Variants in CTNNA2 observed in about 807,000 individuals in gnomAD.
The protein encoded by CTNNA2 is catenin alpha 2, also known as catenin alpha-2.
In CTNNA2, 42 loss-of-function variants were observed where a neutral mutation model predicts 101.0. The observed-to-expected ratio is 0.42, with a 90% CI of 0.32 to 0.54. The LOEUF is 0.54. Among genes scored for constraint, CTNNA2 ranks in the 20% least tolerant of loss-of-function variants. CTNNA2 has a pLI of 0.14. For missense variants in CTNNA2, 871 were observed against 1,223.1 expected (o/e 0.71, Z 4.29); for synonymous variants, 450 against 456.4 (o/e 0.99, Z 0.18).
intron 7 of CTNNA2, among the ~76,000 whole-genome samples, chr2:80,235,839 G>A (rs764169132): frequency 5.3e-5 from 8 of 152,196 alleles, no homozygotes; most frequent in East Asian, 1.9e-4. Context: ...AAGTTCAGGG[G>A]TACGTGAGGT....
At chr2:80,400,682 C>T (rs1013070429) in intron 8 of CTNNA2, among the ~76,000 whole-genome samples, 4 of 152,182 alleles carry the variant, frequency 2.6e-5, no homozygotes, top group Non-Finnish European at 2.9e-5. Flanking sequence ...GACAGTCCCA[C>T]GCAACTCCTC....
rs1443193823 is a variant in CTNNA2, at chr2:79,419,192, C to T, written c.-135+45179C>T. Among the ~76,000 whole-genome samples, 4 of 152,098 alleles carry T rather than the reference C, an allele frequency of 2.6e-5. No individual in the cohort carries two copies. The East Asian group carries it at 7.7e-4, about 29-fold the overall frequency. On this transcript the variant is annotated intron_variant, in intron 4 of 21. Transcript: ENST00000466387. ...TACTTACTAGCTTTGTGACCTTAGG[C>T]AATTTATTTTATCCATCACAGACTC...
intron 4 of CTNNA2, among the ~76,000 whole-genome samples, chr2:79,419,088 A>T (rs1221906439): frequency 6.6e-6 from 1 of 152,094 alleles, no homozygotes; most frequent in East Asian, 1.9e-4. Flanking sequence ...GCATCATGCC[A>T]TTATAGAAAC....
At chr2:80,014,736 A>C (rs1694022095) in intron 7 of CTNNA2, among the ~76,000 whole-genome samples, 1 of 152,220 alleles carries the variant, frequency 6.6e-6, no homozygotes, top group South Asian at 2.1e-4. Flanking sequence ...GTCAACAGTC[A>C]TGAAACAAAG....
chr2:80,627,505 T>A (rs1380052410), intron 18 of CTNNA2, among the ~76,000 whole-genome samples: 1 of 152,142 alleles, frequency 6.6e-6, no homozygotes, highest in Non-Finnish European at 1.5e-5. Context: ...GTTGGCTGCA[T>A]AAATGTCTTC....
chr2:80,409,796 C>T (rs1174950886), intron 8 of CTNNA2, among the ~76,000 whole-genome samples: 1 of 152,188 alleles, frequency 6.6e-6, no homozygotes, highest in East Asian at 1.9e-4. Context: ...TTTGGCATAA[C>T]ACTTAAAAAT....
intron 3 of CTNNA2, among the ~76,000 whole-genome samples, chr2:79,799,898 G>A (rs1676024327): frequency 6.6e-6 from 1 of 152,194 alleles, no homozygotes; most frequent in Non-Finnish European, 1.5e-5. Flanking sequence ...TACTTACTCT[G>A]TAGATTGGCA....
chr2:79,627,492 G>A (rs905923281), intron 1 of CTNNA2, among the ~76,000 whole-genome samples: 8 of 152,108 alleles, frequency 5.3e-5, no homozygotes, highest in South Asian at 4.1e-4. Context: ...TGACAGATCC[G>A]GTAGAACGCA....
intron 7 of CTNNA2, among the ~76,000 whole-genome samples, chr2:79,947,860 A>C (rs997787251): frequency 5.5e-4 from 83 of 152,134 alleles, no homozygotes; most frequent in Non-Finnish European, 1.5e-4. Context: ...AGTGTTATGA[A>C]AGAGGTAATG....
chr2:79,909,738 G>T lies in CTNNA2; in HGVS notation c.997G>T (p.Ala333Ser), dbSNP rs1395041551. 1 of 1,613,814 alleles carries T rather than the reference G, an allele frequency of 6.2e-7. No homozygotes were observed. Among genetic ancestry groups the T allele is most frequent in the Non-Finnish European group, 8.5e-7 (1 of 1,179,834 alleles). ...AGACGACCGGCGCGAGAGGATCGTG[G>T]CGGAGTGCAACGCCGTGCGGCAGGC... ...TRDDRRERIV[A>S]ECNAVRQALQ... is the part of the protein sequence containing the mutation. Residue 333 changes from alanine (A) to serine (S), a missense_variant, in exon 7 of 19, where the codon GCG (alanine) becomes TCG (serine). By Grantham distance (99) the Ala-to-Ser change is moderately conservative. This residue lies in a region of CTNNA2 where 647 missense variants were observed against 831.5 expected (regional missense o/e 0.78). Coordinates refer to ENST00000402739, the MANE Select transcript of CTNNA2 (RefSeq NM_001282597.3).
At chr2:80,216,237 C>T (rs576113626) in intron 7 of CTNNA2, among the ~76,000 whole-genome samples, 13 of 152,256 alleles carry the variant, frequency 8.5e-5, no homozygotes, top group South Asian at 8.3e-4. Context: ...CGCCCTGCTT[C>T]GGCTCACACT....
At chr2:79,815,096 G>T (rs1677380990) in intron 3 of CTNNA2, among the ~76,000 whole-genome samples, 1 of 152,044 alleles carries the variant, frequency 6.6e-6, no homozygotes, top group South Asian at 2.1e-4. Flanking sequence ...GTCTATTCAT[G>T]TCCTTAGGGC....
chr2:80,550,430 A>ATTCC (rs1294296518), intron 11 of CTNNA2, among the ~76,000 whole-genome samples: 2 of 152,148 alleles, frequency 1.3e-5, no homozygotes, highest in African/African-American at 2.4e-5. Flanking sequence ...TGATGCGTTG[A>ATTCC]TTGACTATTC....
chr2:79,964,666 C>G (rs781581759), intron 7 of CTNNA2, among the ~76,000 whole-genome samples: 1 of 152,134 alleles, frequency 6.6e-6, no homozygotes, highest in East Asian at 1.9e-4. Flanking sequence ...ACGAATTACA[C>G]AAGTTCTGGG....
intron 7 of CTNNA2, among the ~76,000 whole-genome samples, chr2:80,203,575 A>G (rs187872118): frequency 1.3e-5 from 2 of 152,186 alleles, no homozygotes; most frequent in African/African-American, 4.8e-5. Flanking sequence ...GTAGGTTCCT[A>G]TAGTCTTTGG....
At chr2:79,981,782 A>T (rs1017398) in intron 7 of CTNNA2, among the ~76,000 whole-genome samples, 3,064 of 152,036 alleles carry the variant, frequency 0.02, 114 homozygotes, top group African/African-American at 0.07. Flanking sequence ...TTATGTTCAG[A>T]TTTTTAAGTG....
intron 2 of CTNNA2, among the ~76,000 whole-genome samples, chr2:79,216,902 TC>T (rs776143723): frequency 2.4e-4 from 37 of 152,218 alleles, no homozygotes; most frequent in Admixed American, 1.5e-3. Flanking sequence ...GTCAGACACC[TC>T]TGAAACGTGG....
chr2:80,445,698 A>C (rs1349720343), intron 9 of CTNNA2, among the ~76,000 whole-genome samples: 1 of 152,098 alleles, frequency 6.6e-6, no homozygotes, highest in African/African-American at 2.4e-5. Flanking sequence ...CAGTCTAGGG[A>C]CCCCTACTTT....
At chr2:80,337,614 C>A (rs1174121162) in intron 7 of CTNNA2, among the ~76,000 whole-genome samples, 132 of 152,002 alleles carry the variant, frequency 8.7e-4, no homozygotes, top group Non-Finnish European at 8.8e-5. Flanking sequence ...TGCACACACA[C>A]AAATACACAC....
Sources: allele counts gnomAD v4.1 joint callset (sites outside exome capture counted in the v4.1 genomes callset), GRCh38; gene constraint gnomAD v4.1.1; regional missense constraint gnomAD v4.1.1; transcripts MANE v1.5; gene names NCBI Gene and HGNC (gene_info 2026-07-23, HGNC 2026-07-21).